DYM: variants seen among roughly 807,000 people sequenced by gnomAD.
DYM encodes dymeclin, also known as dyggve-Melchior-Clausen syndrome protein.
Under a neutral mutation model 93.1 loss-of-function variants are expected in DYM, and 78 were observed. That is an observed-to-expected ratio of 0.84 (90% confidence interval 0.70 to 1.01). The LOEUF (loss-of-function observed/expected upper bound fraction) is 1.01. Among genes scored for constraint, DYM ranks in the 50% least tolerant of loss-of-function variants. The pLI is 0.00. For missense variants in DYM, 789 were observed against 845.0 expected, an observed-to-expected ratio of 0.93 and a Z score of 0.82; for synonymous variants, 321 against 319.7, an observed-to-expected ratio of 1.00 and a Z score of -0.04.
At chr18:49,175,310 G>A (rs1390125093) in intron 14 of DYM, among the ~76,000 whole-genome samples, 2 of 152,132 alleles carry the variant, frequency 1.3e-5, no homozygotes, top group Non-Finnish European at 2.9e-5. Flanking sequence ...AATGACGTCG[G>A]TATTCTTGCC....
chr18:49,338,460 A>T (rs1211540026), intron 6 of DYM, among the ~76,000 whole-genome samples: 1 of 152,210 alleles, frequency 6.6e-6, no homozygotes, highest in Non-Finnish European at 1.5e-5. Flanking sequence ...AGCCAAGTCA[A>T]CCTTGACAAT....
At chr18:49,184,754 T>TA (rs1018667989) in intron 14 of DYM, among the ~76,000 whole-genome samples, 14 of 152,148 alleles carry the variant, frequency 9.2e-5, no homozygotes, top group African/African-American at 3.4e-4. Context: ...ATTAAAAACT[T>TA]ACGAATTTTC....
chr18:49,291,123 T>A (rs1216716661), intron 8 of DYM, among the ~76,000 whole-genome samples: 1 of 152,168 alleles, frequency 6.6e-6, no homozygotes, highest in Non-Finnish European at 1.5e-5. Context: ...CATATACATA[T>A]TTTTTATTAC....
chr18:49,285,694 A>T (rs1406248760), intron 9 of DYM, among the ~76,000 whole-genome samples: 1 of 152,210 alleles, frequency 6.6e-6, no homozygotes, highest in Non-Finnish European at 1.5e-5. Context: ...TCACACAGCG[A>T]CAAAATTGCC....
intron 15 of DYM, among the ~76,000 whole-genome samples, chr18:49,120,398 G>T (rs768837029): frequency 6.6e-6 from 1 of 152,082 alleles, no homozygotes; most frequent in Middle Eastern, 3.2e-3. Context: ...CTACACAAAC[G>T]TAAGTCAAAA....
In DYM at chr18:49,257,065, T is replaced by A. The variant is rs120074163; in HGVS notation, c.1405A>T (p.Asn469Tyr). The part of the protein sequence containing the change: ...LHTNCLAALA[N>Y]MSAQFRSLHQ... Reference sequence around the variant, plus strand: ...AGAGAACGAAACTGTGCCGACATATTTGCTAAAGCTGCCAAACAATTTGTG... The same window carrying A: ...AGAGAACGAAACTGTGCCGACATATATGCTAAAGCTGCCAAACAATTTGTG... The change falls in exon 13 of 18, where the codon AAT becomes TAT. Residue 469 changes from asparagine to tyrosine, a missense_variant. By Grantham distance (143) the Asn-to-Tyr change is moderately radical. This residue lies in a region of DYM where 225 missense variants were observed against 303.0 expected (regional missense o/e 0.74). Transcript: ENST00000675505. The A allele has an allele frequency of 6.8e-6, 11 of 1,614,000 alleles. No individual in the cohort carries two copies. The highest frequency in any genetic ancestry group is 9.3e-6 in the Non-Finnish European group (11 of 1,179,910).
intron 6 of DYM, among the ~76,000 whole-genome samples, chr18:49,341,668 A>G (rs931749757): frequency 2.0e-5 from 3 of 152,122 alleles, no homozygotes; most frequent in South Asian, 4.1e-4. Context: ...TCTTCTCTCT[A>G]TATTTATATG....
At chr18:49,380,080 G>C (rs1325676848) in intron 3 of DYM, among the ~76,000 whole-genome samples, 3 of 125,978 alleles carry the variant, frequency 2.4e-5, no homozygotes, top group African/African-American at 2.8e-5. Flanking sequence ...CTCTAGAAAG[G>C]AGATTTTTAA....
intron 6 of DYM, among the ~76,000 whole-genome samples, chr18:49,348,697 T>C (rs1193182766): frequency 6.7e-6 from 1 of 148,710 alleles, no homozygotes; most frequent in Non-Finnish European, 1.5e-5. Flanking sequence ...TTACCTGAGG[T>C]CAAGACATAG....
At chr18:49,184,281 C>T (rs1327204962) in intron 14 of DYM, among the ~76,000 whole-genome samples, 6 of 151,406 alleles carry the variant, frequency 4.0e-5, no homozygotes, top group Admixed American at 2.0e-4. Flanking sequence ...GCCTTTTCTC[C>T]AGAGGGCTAT....
chr18:49,283,969 C>CT (rs926715913), intron 9 of DYM, among the ~76,000 whole-genome samples: 20 of 151,866 alleles, frequency 1.3e-4, no homozygotes, highest in Admixed American at 4.6e-4. Flanking sequence ...AAAATAATTC[C>CT]TTTTTTTTGT....
At chr18:49,064,467 G>A (rs942403861) in intron 17 of DYM, among the ~76,000 whole-genome samples, 1 of 152,156 alleles carries the variant, frequency 6.6e-6, no homozygotes, top group African/African-American at 2.4e-5. Flanking sequence ...CCACTTCTGT[G>A]AAGCTCTCCA....
At chr18:49,104,841 G>A (rs940013911) in intron 16 of DYM, among the ~76,000 whole-genome samples, 6 of 152,216 alleles carry the variant, frequency 3.9e-5, no homozygotes, top group African/African-American at 1.4e-4. Flanking sequence ...TTGCACCAAT[G>A]TTCATCAGGG....
chr18:49,373,568 C>T (rs75126770), intron 5 of DYM, among the ~76,000 whole-genome samples: 13,857 of 152,018 alleles, frequency 0.091, 853 homozygotes, highest in East Asian at 0.31. Context: ...TCAGCAAGGT[C>T]TTCATGACTG....
rs528499255 is a variant in DYM at position 49,253,970 on chromosome 18, T to C, written c.1460+3040A>G. Among the ~76,000 whole-genome samples the C allele has an allele frequency of 8.5e-5, 13 of 152,234 alleles. No homozygotes were observed. The East Asian group carries it at 1.2e-3, about 14-fold the overall frequency. On this transcript the variant is annotated intron_variant, in intron 13 of 17. Coordinates refer to ENST00000675505, the MANE Select transcript of DYM (RefSeq NM_001353214.3). The stretch of plus-strand genomic sequence containing the variant: ...TCAGGCCTCTCACCTGTGATCCCCA[T>C]AGAGGTCCACAGCATGCCAGTTCCA...
chr18:49,264,098 G>A (rs1471757217), intron 11 of DYM, among the ~76,000 whole-genome samples: 7 of 113,088 alleles, frequency 6.2e-5, no homozygotes, highest in African/African-American at 1.6e-4. Context: ...TTGGATGGGC[G>A]TTGTTTTTTT....
At chr18:49,217,511 C>A (rs1355508158) in intron 13 of DYM, among the ~76,000 whole-genome samples, 2 of 152,130 alleles carry the variant, frequency 1.3e-5, no homozygotes, top group African/African-American at 2.4e-5. Context: ...AGAGAAAGGC[C>A]GGGTTACCCA....
At chr18:49,045,701 A>G (rs1191525650) in intron 17 of DYM, among the ~76,000 whole-genome samples, 1 of 152,094 alleles carries the variant, frequency 6.6e-6, no homozygotes, top group Non-Finnish European at 1.5e-5. Context: ...AAGGACAAGG[A>G]GCCAGAAGGG....
intron 14 of DYM, chr18:49,205,887 GCT>G: frequency 6.2e-6 from 1 of 161,648 alleles, no homozygotes; most frequent in East Asian, 1.7e-4. Context: ...ACACAGAAGT[GCT>G]CTCTTTCAGG....
Sources: gnomAD v4.1 joint callset for allele counts (sites outside exome capture counted in the v4.1 genomes callset) on GRCh38, gnomAD v4.1.1 for gene constraint, gnomAD v4.1.1 regional missense constraint, MANE v1.5 for transcripts, NCBI Gene and HGNC (gene_info 2026-07-23, HGNC 2026-07-21) for gene names.